PTPDC1: variants seen among roughly 807,000 people sequenced by gnomAD.
The protein encoded by PTPDC1 is protein tyrosine phosphatase domain-containing protein 1.
Under a neutral mutation model 75.3 loss-of-function variants are expected in PTPDC1, and 53 were observed. The ratio of observed to expected loss-of-function variants is 0.70; its 90% CI spans 0.56 to 0.88. The LOEUF (loss-of-function observed/expected upper bound fraction) is 0.88, where lower values mean the gene tolerates loss of function less well. Among genes scored for constraint, PTPDC1 ranks in the 40% least tolerant of loss-of-function variants. PTPDC1 has a pLI of 0.00. For synonymous variants in PTPDC1, 349 were observed against 366.2 expected (o/e 0.95, Z 0.54); for missense variants, 925 against 998.6 (o/e 0.93, Z 0.99).
At chr9:94,074,309 T>C (rs898499282) in intron 2 of PTPDC1, among the ~76,000 whole-genome samples, 1 of 152,122 alleles carries the variant, frequency 6.6e-6, no homozygotes, top group Non-Finnish European at 1.5e-5. Context: ...GAATTTCAGC[T>C]CTCTCACCAG....
At chr9:94,105,666 CAAA>C (rs35654588) in intron 8 of PTPDC1, among the ~76,000 whole-genome samples, 20 of 107,892 alleles carry the variant, frequency 1.9e-4, no homozygotes, top group South Asian at 3.3e-4. Context: ...GACTCTGTCT[CAAA>C]AAAAAAAAAA....
chr9:94,047,551 A>G (rs1825647070), intron 1 of PTPDC1, among the ~76,000 whole-genome samples: 1 of 152,208 alleles, frequency 6.6e-6, no homozygotes, highest in African/African-American at 2.4e-5. Flanking sequence ...AGCAGAAGGC[A>G]AGAAATAACT....
At chr9:94,089,265 T>C (rs1827198119) in intron 4 of PTPDC1, among the ~76,000 whole-genome samples, 1 of 140,434 alleles carries the variant, frequency 7.1e-6, no homozygotes, top group South Asian at 2.4e-4. Context: ...GAGTGTGATA[T>C]TCCCCTTCCT....
chr9:94,061,446 T>A (rs895015004), intron 1 of PTPDC1, among the ~76,000 whole-genome samples: 1 of 152,252 alleles, frequency 6.6e-6, no homozygotes, highest in Non-Finnish European at 1.5e-5. Flanking sequence ...AGTGCCCCAG[T>A]GGGGACTCTG....
intron 2 of PTPDC1, among the ~76,000 whole-genome samples, chr9:94,072,169 A>G (rs1826532205): frequency 6.6e-6 from 1 of 151,988 alleles, no homozygotes; most frequent in Non-Finnish European, 1.5e-5. Context: ...CACCACGCCC[A>G]GCTAATTTTT....
intron 1 of PTPDC1, among the ~76,000 whole-genome samples, chr9:94,058,231 G>A (rs1315491686): frequency 6.6e-6 from 1 of 152,138 alleles, no homozygotes. Context: ...GGGCCCTCAA[G>A]GCTTTGCTGG....
upstream of PTPDC1, among the ~76,000 whole-genome samples, chr9:94,080,851 A>G (rs1826853353): frequency 6.6e-6 from 1 of 152,214 alleles, no homozygotes; most frequent in Admixed American, 6.5e-5. Flanking sequence ...TAATATCTCA[A>G]CCATAATTTC....
At position 94,088,178 on chromosome 9, in the gene PTPDC1, C is replaced by T. The variant is rs141059694; in HGVS notation, c.531C>T (p.Arg177=). 29 of 1,613,902 alleles carry T rather than the reference C, an allele frequency of 1.8e-5. No homozygotes were observed. In the African/African-American group the frequency reaches 3.3e-4, roughly 19 times the overall value. Reference sequence around the variant, plus strand: ...TAAAAACAATAATCAACCTCCAGCGCCCTGGTGAGCATGCTAGCTGTGGGA... The same window carrying T: ...TAAAAACAATAATCAACCTCCAGCGTCCTGGTGAGCATGCTAGCTGTGGGA... The part of the protein sequence containing the change: ...HGIKTIINLQ[R]PGEHASCGNP... The change falls in exon 4 of 9, where the codon CGC becomes CGT. Residue 177 remains arginine (R), a synonymous_variant. Coordinates refer to ENST00000620992, the MANE Select transcript of PTPDC1 (RefSeq NM_001253829.2).
At position 94,057,284 on chromosome 9, in the gene PTPDC1, A is replaced by G. The variant is rs559799976; in HGVS notation, c.-6-7450A>G. Among the ~76,000 whole-genome samples the G allele has an allele frequency of 5.3e-5, 8 of 151,878 alleles. No individual in the cohort carries two copies. In the South Asian group the frequency reaches 1.0e-3, roughly 20 times the overall value. On this transcript the variant is annotated intron_variant, in intron 1 of 9. Coordinates refer to the PTPDC1 transcript ENST00000375360. ...TTGTTTGTAGAGACAGGGTTTTGCC[A>G]TCTTGCCCAAACTGGTTTTGAACTC...
chr9:94,046,883 T>G (rs1291065895), intron 1 of PTPDC1, among the ~76,000 whole-genome samples: 1 of 152,226 alleles, frequency 6.6e-6, no homozygotes, highest in African/African-American at 2.4e-5. Flanking sequence ...CAACACTATG[T>G]TGAATAGGAG....
At chr9:94,037,093 A>G (rs1825295224) in intron 1 of PTPDC1, among the ~76,000 whole-genome samples, 1 of 152,136 alleles carries the variant, frequency 6.6e-6, no homozygotes, top group Non-Finnish European at 1.5e-5. Flanking sequence ...TCATGGAAAT[A>G]TTTTCTCATT....
chr9:94,101,178 G>T, intron 6 of PTPDC1: 1 of 158,228 alleles, frequency 6.3e-6, no homozygotes, highest in African/African-American at 2.4e-5. Context: ...CAAAAAAATA[G>T]TTCTGTTTTG....
rs201686150 is a variant in PTPDC1 at position 94,084,512 on chromosome 9, G to T, written c.-19G>T. On this transcript the variant is annotated 5_prime_UTR_variant, in exon 1 of 9. Coordinates refer to ENST00000620992, the MANE Select transcript of PTPDC1 (RefSeq NM_001253829.2). ...GTGGGGCTGACTCTTCCTGCCTCCG[G>T]CTCTTGCCTCCCAGTGCCATGCAGG... 8.7e-6 allele frequency: 14 copies of T among 1,607,336 alleles called. No homozygotes were observed. Among genetic ancestry groups the T allele is most frequent in the Non-Finnish European group, 1.2e-5 (14 of 1,179,818 alleles).
intron 4 of PTPDC1, among the ~76,000 whole-genome samples, chr9:94,091,644 T>C (rs1219362867): frequency 1.3e-5 from 2 of 152,180 alleles, no homozygotes; most frequent in Non-Finnish European, 2.9e-5. Flanking sequence ...ATTGGAATAG[T>C]TTCAGAAGGA....
chr9:94,077,988 G>C (rs1826749906), intron 2 of PTPDC1, among the ~76,000 whole-genome samples: 3 of 152,200 alleles, frequency 2.0e-5, no homozygotes, highest in African/African-American at 7.2e-5. Context: ...TATCCCAACA[G>C]TCAGTTCCCA....
intron 1 of PTPDC1, among the ~76,000 whole-genome samples, chr9:94,058,151 T>C (rs1826003868): frequency 1.3e-5 from 2 of 151,932 alleles, no homozygotes; most frequent in Admixed American, 6.6e-5. Flanking sequence ...CAGAGTTCAG[T>C]GTGGCCAAGG....
chr9:94,091,593 C>A (rs1281423285), intron 4 of PTPDC1, among the ~76,000 whole-genome samples: 1 of 152,074 alleles, frequency 6.6e-6, no homozygotes, highest in East Asian at 1.9e-4. Context: ...TGATGCTGGC[C>A]TCATAAAATG....
chr9:94,030,820 G>C (rs917398725), exon 1 of PTPDC1: 2 of 152,320 alleles, frequency 1.3e-5, no homozygotes, highest in Non-Finnish European at 2.9e-5. Flanking sequence ...GGCAGCGCCG[G>C]GGACGCGGCC....
intron 1 of PTPDC1, among the ~76,000 whole-genome samples, chr9:94,055,997 G>A (rs1023850233): frequency 2.0e-5 from 3 of 152,164 alleles, no homozygotes; most frequent in African/African-American, 7.2e-5. Flanking sequence ...AGCGTAAGTT[G>A]ATTATAACAA....
Sources: gnomAD v4.1 joint callset for allele counts (sites outside exome capture counted in the v4.1 genomes callset) on GRCh38, gnomAD v4.1.1 for gene constraint, MANE v1.5 for transcripts, NCBI Gene and HGNC (gene_info 2026-07-23, HGNC 2026-07-21) for gene names.